WWC1: variants seen among roughly 807,000 people sequenced by gnomAD.
WWC1 encodes protein KIBRA.
Under a neutral mutation model 138.4 loss-of-function variants are expected in WWC1, and 55 were observed. The ratio of observed to expected loss-of-function variants is 0.40; its 90% CI spans 0.32 to 0.50. The LOEUF is 0.50. WWC1 is among the 20% of genes least tolerant of loss of function. The pLI is 0.72. For synonymous variants in WWC1, 524 were observed against 564.9 expected, an observed-to-expected ratio of 0.93 and a Z score of 1.03; for missense variants, 1,226 against 1,420.4, an observed-to-expected ratio of 0.86 and a Z score of 2.20.
chr5:168,399,909 A>G (rs11134509), intron 5 of WWC1, among the ~76,000 whole-genome samples: 110,275 of 152,158 alleles, frequency 0.72, 40,478 homozygotes, highest in African/African-American at 0.84. Context: ...ATCTCTAGTC[A>G]ATCCAGTAGG....
At chr5:168,318,847 A>G (rs1771828194) in intron 1 of WWC1, among the ~76,000 whole-genome samples, 1 of 152,146 alleles carries the variant, frequency 6.6e-6, no homozygotes, top group African/African-American at 2.4e-5. Context: ...GGCATGAGCC[A>G]CCATGCCTGG....
At chr5:168,355,924 A>AAG (rs10665946) in intron 1 of WWC1, among the ~76,000 whole-genome samples, 1 of 150,528 alleles carries the variant, frequency 6.6e-6, no homozygotes, top group African/African-American at 2.4e-5. Context: ...AAGAGAGAGA[A>AAG]AGAGAGACGG....
chr5:168,439,064 C>T (rs1463071565), intron 15 of WWC1, among the ~76,000 whole-genome samples: 1 of 152,128 alleles, frequency 6.6e-6, no homozygotes, highest in Admixed American at 6.5e-5. Flanking sequence ...ATCATGGTCA[C>T]TCCCCCTGGC....
chr5:168,367,212 A>T (rs1183327388), intron 1 of WWC1, among the ~76,000 whole-genome samples: 1 of 152,070 alleles, frequency 6.6e-6, no homozygotes, highest in Non-Finnish European at 1.5e-5. Context: ...TAAAGCCCCC[A>T]TGCCTTTTGC....
intron 1 of WWC1, among the ~76,000 whole-genome samples, chr5:168,334,047 C>A (rs761651959): frequency 5.1e-4 from 64 of 126,188 alleles, no homozygotes; most frequent in Non-Finnish European, 7.6e-4. Flanking sequence ...AAGACCTCAT[C>A]CCTACTGAAA....
At chr5:168,364,297 C>T (rs1051180182) in intron 1 of WWC1, among the ~76,000 whole-genome samples, 1 of 152,166 alleles carries the variant, frequency 6.6e-6, no homozygotes, top group African/African-American at 2.4e-5. Context: ...CTGACCACAG[C>T]TCTTTCCTCC....
chr5:168,428,964 C>G (rs1781731533), intron 13 of WWC1, among the ~76,000 whole-genome samples, 177 bp downstream of exon 13: 1 of 152,178 alleles, frequency 6.6e-6, no homozygotes, highest in Non-Finnish European at 1.5e-5. Context: ...CCTCACCTCC[C>G]AGCCATCCGC....
chr5:168,454,825 T>A (rs942923836), intron 18 of WWC1, among the ~76,000 whole-genome samples: 1 of 152,230 alleles, frequency 6.6e-6, no homozygotes, highest in African/African-American at 2.4e-5. Flanking sequence ...CTGACAAAGG[T>A]CCTGCATGTA....
At chr5:168,351,941 C>T (rs1037120707) in intron 1 of WWC1, among the ~76,000 whole-genome samples, 20 of 152,162 alleles carry the variant, frequency 1.3e-4, no homozygotes, top group Non-Finnish European at 2.2e-4. Flanking sequence ...GTTTGCCCCA[C>T]GTTCTCTGTG....
intron 9 of WWC1, chr5:168,415,556 A>T (rs1213762637): frequency 6.6e-6 from 1 of 152,052 alleles, no homozygotes; most frequent in South Asian, 2.1e-4. Flanking sequence ...CTTCATGTTC[A>T]TTTATTCATT....
At chr5:168,376,948 G>A (rs1777221245) in intron 2 of WWC1, among the ~76,000 whole-genome samples, 1 of 152,068 alleles carries the variant, frequency 6.6e-6, no homozygotes, top group African/African-American at 2.4e-5. Context: ...TTCATTTCGA[G>A]CCAGAAAAGA....
chr5:168,423,492 A>G lies in WWC1; in HGVS notation c.1275-41A>G, dbSNP rs537092676. The G allele has an allele frequency of 1.1e-4, 179 of 1,569,460 alleles. 1 individual carries two copies. The East Asian group carries it at 4.0e-3, about 35-fold the overall frequency. ...CAGAAGGTCTCAGGGGGCCCACTTC[A>G]CTGTGTGCATCTCACTGTCCTTCCC... On this transcript the variant is annotated intron_variant, in intron 10 of 22. Transcript: ENST00000265293.
At chr5:168,419,306 A>G (rs74972592) in intron 9 of WWC1, among the ~76,000 whole-genome samples, 1,553 of 152,246 alleles carry the variant, frequency 0.01, 26 homozygotes, top group East Asian at 0.032. Context: ...ACATCTGTCC[A>G]TGGAAGGTAT....
rs951972562 is a variant in WWC1 at position 168,470,484 on chromosome 5, A to G, written c.*1467A>G. 6.6e-6 allele frequency: 1 copy of G among 151,178 alleles called. No homozygotes were observed. The highest frequency in any genetic ancestry group is 1.5e-5 in the Non-Finnish European group (1 of 67,946). 9.4% of individuals were successfully genotyped at this position (151,178 alleles called of 1,614,324 possible). A position where few individuals can be genotyped will look rare whatever the true frequency, so the allele number is the denominator to read the frequency against. On this transcript the variant is annotated 3_prime_UTR_variant, in exon 23 of 23. Coordinates refer to ENST00000265293, the MANE Select transcript of WWC1 (RefSeq NM_015238.3). ...GCTTGCAGTGAGCTGAGATTGTGCC[A>G]CTGCACTCCAGCCTGGGTGACAGAG...
At chr5:168,462,627 C>T (rs72830947) in intron 20 of WWC1, among the ~76,000 whole-genome samples, 16,627 of 152,258 alleles carry the variant, frequency 0.11, 1,260 homozygotes, top group Non-Finnish European at 0.16. Context: ...AAGGCAGGCC[C>T]TACAGGAGCA....
intron 1 of WWC1, among the ~76,000 whole-genome samples, chr5:168,312,875 G>A (rs1367424801): frequency 2.0e-5 from 3 of 149,894 alleles, no homozygotes; most frequent in Admixed American, 6.7e-5. Flanking sequence ...GATTGCAATG[G>A]CATGATCTCT....
intron 15 of WWC1, among the ~76,000 whole-genome samples, chr5:168,438,398 G>A (rs150013093): frequency 4.3e-4 from 65 of 152,152 alleles, no homozygotes; most frequent in African/African-American, 1.5e-3. Context: ...ACTTTTGTTC[G>A]GCACTTCTCT....
chr5:168,367,995 A>G (rs1331536294), intron 1 of WWC1, among the ~76,000 whole-genome samples: 1 of 152,106 alleles, frequency 6.6e-6, no homozygotes, highest in Non-Finnish European at 1.5e-5. Flanking sequence ...GTCATACTGT[A>G]ACAGTATCCT....
At chr5:168,461,556 C>A (rs566303953) in intron 20 of WWC1, among the ~76,000 whole-genome samples, 116 of 152,286 alleles carry the variant, frequency 7.6e-4, no homozygotes, top group Non-Finnish European at 5.6e-4. Flanking sequence ...ACTTGCCTTG[C>A]GGAAGTCTCG....
Sources: allele counts gnomAD v4.1 joint callset (sites outside exome capture counted in the v4.1 genomes callset), GRCh38; gene constraint gnomAD v4.1.1; transcripts MANE v1.5; gene names NCBI Gene and HGNC (gene_info 2026-07-23, HGNC 2026-07-21).